Variants in CHST15 observed in about 807,000 individuals in gnomAD.
CHST15 encodes the protein B cell RAG associated protein (GALNAC4S-6ST).
Under a neutral mutation model 53.6 loss-of-function variants are expected in CHST15, and 30 were observed. The ratio of observed to expected loss-of-function variants is 0.56; its 90% confidence interval spans 0.42 to 0.76. The LOEUF is 0.76. CHST15 is among the 30% of genes least tolerant of loss of function. The pLI, the probability that CHST15 is intolerant of heterozygous loss-of-function variation, is 0.00. For missense variants in CHST15, 627 were observed against 740.5 expected, an observed-to-expected ratio of 0.85 and a Z score of 1.78; for synonymous variants, 296 against 289.8, an observed-to-expected ratio of 1.02 and a Z score of -0.22.
chr10:124,055,181 T>A (rs1424151098), intron 1 of CHST15, among the ~76,000 whole-genome samples: 3 of 152,244 alleles, frequency 2.0e-5, no homozygotes, highest in African/African-American at 7.2e-5. Context: ...GATTGTTCTT[T>A]GTCTAAAAGG....
In CHST15 at chr10:124,074,556, C is replaced by A. The variant is rs1388707867; in HGVS notation, c.-513+18913G>T. ...TGGGGACTTACATAACATCCCCCTG[C>A]ACACCCAACACCTTCGCCACGTCTG... On this transcript the variant is annotated intron_variant, in intron 1 of 7. Transcript: ENST00000435907. The surrounding 1 kb of genome is among the most constrained non-coding windows in gnomAD (Gnocchi z 4.4). 1.3e-5 allele frequency among the ~76,000 whole-genome samples: 2 copies of A among 152,112 alleles called. No homozygotes were observed. Among genetic ancestry groups the A allele is most frequent in the Non-Finnish European group, 2.9e-5 (2 of 68,020 alleles).
chr10:124,027,003 G>C (rs1197296591), intron 5 of CHST15, among the ~76,000 whole-genome samples: 8 of 152,104 alleles, frequency 5.3e-5, no homozygotes, highest in Non-Finnish European at 8.8e-5. Context: ...CCAGCCCTGA[G>C]TTTCAGGGCT....
intron 1 of CHST15, among the ~76,000 whole-genome samples, chr10:124,047,524 T>A (rs1269954550): frequency 6.6e-6 from 1 of 152,212 alleles, no homozygotes; most frequent in Admixed American, 6.5e-5. Context: ...CACTTCTTTG[T>A]AGATGTCGTA....
intron 1 of CHST15, among the ~76,000 whole-genome samples, chr10:124,071,009 T>G (rs116054899): frequency 2.2e-3 from 337 of 152,316 alleles, no homozygotes; most frequent in African/African-American, 7.8e-3. Flanking sequence ...TGGGCCACAT[T>G]CCTGTAGCTT....
chr10:124,040,780 C>A (rs1947703022), intron 4 of CHST15, among the ~76,000 whole-genome samples: 1 of 152,236 alleles, frequency 6.6e-6, no homozygotes, highest in African/African-American at 2.4e-5. Flanking sequence ...CTTGTCACAC[C>A]ACAAGACTAC....
At chr10:124,027,005 T>C (rs1238058928) in intron 5 of CHST15, among the ~76,000 whole-genome samples, 1 of 151,978 alleles carries the variant, frequency 6.6e-6, no homozygotes, top group Non-Finnish European at 1.5e-5. Flanking sequence ...AGCCCTGAGT[T>C]TCAGGGCTGC....
chr10:124,061,238 C>T (rs1241785190), intron 1 of CHST15, among the ~76,000 whole-genome samples: 1 of 152,172 alleles, frequency 6.6e-6, no homozygotes, highest in Non-Finnish European at 1.5e-5. Flanking sequence ...TGAATTGTAG[C>T]TCCCAGAATT....
intron 1 of CHST15, among the ~76,000 whole-genome samples, chr10:124,048,108 C>T (rs28461349): frequency 0.69 from 104,219 of 152,100 alleles, 36,072 homozygotes; most frequent in African/African-American, 0.77. Context: ...GGCCAAGAAA[C>T]AGCCAAGCTG....
At chr10:124,088,715 G>A (rs1185493697) in intron 1 of CHST15, among the ~76,000 whole-genome samples, 1 of 152,190 alleles carries the variant, frequency 6.6e-6, no homozygotes, top group Non-Finnish European at 1.5e-5. Flanking sequence ...GTCTAGCAGA[G>A]GGCCAGCTTC....
chr10:124,092,685 G>A (rs567011772), intron 1 of CHST15, among the ~76,000 whole-genome samples: 1 of 147,074 alleles, frequency 6.8e-6, no homozygotes, highest in East Asian at 1.9e-4. Context: ...CGCAACCGGG[G>A]AGAGAGTGGC....
In CHST15 at chr10:124,010,253, T is replaced by C. The variant is rs1946374235; in HGVS notation, c.1582A>G (p.Met528Val). Reference sequence around the variant, plus strand: ...AGAATCTTCTGTGTGATGGGCCACATGGGCCCCAGGTTCCGGTCCTCGGGA... The same window carrying C: ...AGAATCTTCTGTGTGATGGGCCACACGGGCCCCAGGTTCCGGTCCTCGGGA... ...RRPEDRNLGP[M>V]WPITQKILRD... Residue 528 changes from methionine (M) to valine (V), a missense_variant, in exon 8 of 8, where the codon ATG becomes GTG. Met to Val is a conservative substitution (Grantham distance 21). Around this residue, in one of 3 missense-constraint regions of CHST15, gnomAD observed 279 missense variants for 371.6 expected, o/e 0.75. Coordinates refer to ENST00000435907, the MANE Select transcript of CHST15 (RefSeq NM_001270764.2). 1.2e-6 allele frequency: 2 copies of C among 1,614,102 alleles called. No homozygotes were observed. The highest frequency in any genetic ancestry group is 1.3e-5 in the African/African-American group (1 of 75,052).
chr10:124,042,551 C>T (rs1947783012), intron 3 of CHST15, 104 bp from the exon 4 acceptor site: 2 of 1,302,268 alleles, frequency 1.5e-6, no homozygotes, highest in Non-Finnish European at 1.1e-6. Context: ...CCTAAAGGGC[C>T]TGGCGACAGC....
At chr10:124,081,015 G>C (rs993431262) in intron 1 of CHST15, among the ~76,000 whole-genome samples, 2 of 152,180 alleles carry the variant, frequency 1.3e-5, no homozygotes, top group African/African-American at 4.8e-5. Flanking sequence ...AGACTCCTGG[G>C]CCTCCAGCCT....
At chr10:124,053,147 G>C (rs1490549001) in intron 1 of CHST15, among the ~76,000 whole-genome samples, 1 of 152,210 alleles carries the variant, frequency 6.6e-6, no homozygotes, top group African/African-American at 2.4e-5. Flanking sequence ...CTTTACCATA[G>C]ATTGCATTAT....
At chr10:124,077,127 C>T (rs1949100499) in intron 1 of CHST15, among the ~76,000 whole-genome samples, 1 of 152,196 alleles carries the variant, frequency 6.6e-6, no homozygotes, top group South Asian at 2.1e-4. Context: ...TGAGAACACA[C>T]CCAGAGTGCT....
intron 1 of CHST15, among the ~76,000 whole-genome samples, chr10:124,073,227 G>A (rs1948975305): frequency 6.6e-6 from 1 of 152,172 alleles, no homozygotes; most frequent in Admixed American, 6.5e-5. Flanking sequence ...CAGTAGAACG[G>A]ACAAATACAA....
At chr10:124,028,224 C>T (rs1209085617) in intron 5 of CHST15, among the ~76,000 whole-genome samples, 3 of 152,170 alleles carry the variant, frequency 2.0e-5, no homozygotes, top group Non-Finnish European at 2.9e-5. Context: ...ATCATGAAGC[C>T]GGAACACACT....
In CHST15 at chr10:124,009,003, A is replaced by T; in HGVS notation, c.*1146T>A. The T allele has an allele frequency of 7.8e-7, 1 of 1,289,178 alleles. No individual in the cohort carries two copies. Among genetic ancestry groups the T allele is most frequent in the Non-Finnish European group, 1.0e-6 (1 of 988,700 alleles). The allele number at this position is 1,289,178 out of a possible 1,614,324, so 79.9% of individuals were successfully genotyped here. On this transcript the variant is annotated 3_prime_UTR_variant, in exon 8 of 8. Coordinates refer to ENST00000435907, the MANE Select transcript of CHST15 (RefSeq NM_001270764.2). ...AACACGCCACGTTCAGCCCAAGTTCAGCTTGTGCATTGTGTTTTGGAATTG... is the reference window on the plus strand; with the variant it reads ...AACACGCCACGTTCAGCCCAAGTTCTGCTTGTGCATTGTGTTTTGGAATTG...
chr10:124,008,736 G>A lies in CHST15; in HGVS notation c.*1413C>T. 8.7e-7 allele frequency: 1 copy of A among 1,149,208 alleles called. No individual in the cohort carries two copies. The highest frequency in any genetic ancestry group is 1.8e-5 in the South Asian group (1 of 57,028). The allele number at this position is 1,149,208 out of a possible 1,614,324, so 71.2% of individuals were successfully genotyped here. On this transcript the variant is annotated 3_prime_UTR_variant, in exon 8 of 8. Coordinates refer to ENST00000435907, the MANE Select transcript of CHST15 (RefSeq NM_001270764.2). ...TGCTTGCACTTTCTGGCTTTGGTGG[G>A]CGAGACCTTGGCCTGAGAACTTTGG...
Sources: gnomAD v4.1 joint callset for allele counts (sites outside exome capture counted in the v4.1 genomes callset) on GRCh38, gnomAD v4.1.1 for gene constraint, gnomAD v4.1.1 regional missense constraint, Gnocchi (gnomAD v3.1) non-coding constraint, MANE v1.5 for transcripts, NCBI Gene and HGNC (gene_info 2026-07-23, HGNC 2026-07-21) for gene names.